The following HDAC9 variants were observed in gnomAD, a reference collection of about 807,000 sequenced individuals.
The protein encoded by HDAC9 is histone deacetylase 9.
In HDAC9, 41 loss-of-function variants were observed where a neutral mutation model predicts 139.4. That is an observed-to-expected ratio of 0.29 (90% CI 0.23 to 0.38). The LOEUF is 0.38. HDAC9 is among the 10% of genes least tolerant of loss of function. HDAC9 has a pLI of 1.00. For missense variants in HDAC9, 1,147 were observed against 1,297.0 expected (o/e 0.88, Z 1.78); for synonymous variants, 517 against 476.2 (o/e 1.09, Z -1.12).
intron 12 of HDAC9, chr7:18,666,909 T>A: frequency 1.0e-6 from 1 of 996,218 alleles, no homozygotes; most frequent in Non-Finnish European, 1.2e-6. Context: ...AGTTTTTGAT[T>A]TTTTGCAACA....
chr7:18,132,871 C>T (rs1271436918), intron 1 of HDAC9, among the ~76,000 whole-genome samples: 1 of 142,840 alleles, frequency 7.0e-6, no homozygotes, highest in Admixed American at 6.9e-5. Context: ...GCCCTGCTCC[C>T]CCTTCCCTAA....
At chr7:18,135,179 G>T (rs1231595293) in intron 1 of HDAC9, among the ~76,000 whole-genome samples, 1 of 151,114 alleles carries the variant, frequency 6.6e-6, no homozygotes, top group African/African-American at 2.4e-5. Context: ...AATGAAGTAG[G>T]AAATGTCTTA....
At chr7:18,666,687 A>G (rs1053094018) in intron 12 of HDAC9, 6 of 1,297,708 alleles carry the variant, frequency 4.6e-6, no homozygotes, top group East Asian at 2.8e-5. Flanking sequence ...ATAGATATCA[A>G]TGTTTCATTG....
chr7:18,512,937 A>G (rs1297905222), intron 2 of HDAC9, among the ~76,000 whole-genome samples: 1 of 152,234 alleles, frequency 6.6e-6, no homozygotes, highest in African/African-American at 2.4e-5. Context: ...GGGCAGGGAC[A>G]TGCTCACATA....
chr7:18,381,890 A>T (rs1416926999), intron 1 of HDAC9, among the ~76,000 whole-genome samples: 1 of 152,204 alleles, frequency 6.6e-6, no homozygotes, highest in Admixed American at 6.5e-5. Context: ...CGCCTCAGGT[A>T]TATGGACTCT....
rs372412913 is a variant in HDAC9, at chr7:18,445,112, C to T, written c.-41-51150C>T. Among the ~76,000 whole-genome samples the T allele has an allele frequency of 1.1e-4, 16 of 152,116 alleles. No homozygotes were observed. The East Asian group carries it at 2.5e-3, about 24-fold the overall frequency. On this transcript the variant is annotated intron_variant, in intron 1 of 3. Coordinates refer to the HDAC9 transcript ENST00000413509. ...CAGGAGTTTGCATTCACCAAATAAA[C>T]GAAACAAGAATTCACAGCTGCAGAA...
At chr7:18,957,508 T>C (rs986912901) in intron 24 of HDAC9, among the ~76,000 whole-genome samples, 1 of 152,182 alleles carries the variant, frequency 6.6e-6, no homozygotes, top group South Asian at 2.1e-4. Flanking sequence ...TCCAGGACCC[T>C]AATTGTGTTC....
rs199607615 is a variant in HDAC9 at position 18,258,951 on chromosome 7, CTTTTTTTTTTTTTTTTTTTTTTT to C, written c.25+96617_25+96639del. Among the ~76,000 whole-genome samples, 92 of 98,362 alleles carry C rather than the reference CTTTTTTTTTTTTTTTTTTTTTTT, an allele frequency of 9.4e-4. 2 individuals are homozygous for C. The highest frequency in any genetic ancestry group is 6.0e-3 in the Middle Eastern group (1 of 166). The allele number at this position is 98,362 out of a possible 152,430, so 64.5% of individuals were successfully genotyped here. A position where few individuals can be genotyped will look rare whatever the true frequency, so the allele number is the denominator to read the frequency against. ...TAATAAAGTAGGGATTCTTCTTCTCCTTTTTTTTTTTTTTTTTTTTTTTTTTTTTTTTTTTTTAAACAGGGTCT... is the reference window on the plus strand; with the variant it reads ...TAATAAAGTAGGGATTCTTCTTCTCCTTTTTTTTTTTTTTAAACAGGGTCT... On this transcript the variant is annotated intron_variant, in intron 2 of 12. Transcript: ENST00000417496.
chr7:18,933,284 G>A (rs1804942983), intron 22 of HDAC9, among the ~76,000 whole-genome samples: 1 of 152,120 alleles, frequency 6.6e-6, no homozygotes. Context: ...AAGGCAACAA[G>A]AGAACTAGAG....
chr7:18,650,066 T>C (rs533821761), intron 11 of HDAC9, among the ~76,000 whole-genome samples: 1 of 152,330 alleles, frequency 6.6e-6, no homozygotes, highest in African/African-American at 2.4e-5. Context: ...AGAGAGCCAA[T>C]TTCCTTCTCT....
intron 1 of HDAC9, 44 bp downstream of exon 1, chr7:18,496,067 T>C (rs1796854210): frequency 6.3e-6 from 9 of 1,429,516 alleles, no homozygotes; most frequent in Non-Finnish European, 6.4e-6. Flanking sequence ...TAAAAGTGGA[T>C]GCCCATTTGA....
At chr7:18,377,776 T>C (rs1785106888) in intron 1 of HDAC9, among the ~76,000 whole-genome samples, 1 of 152,188 alleles carries the variant, frequency 6.6e-6, no homozygotes, top group Non-Finnish European at 1.5e-5. Context: ...GTAATAATGA[T>C]TCATTAAGGA....
intron 13 of HDAC9, among the ~76,000 whole-genome samples, chr7:18,738,021 C>T (rs981357332): frequency 6.6e-6 from 1 of 152,152 alleles, no homozygotes; most frequent in Admixed American, 6.5e-5. Flanking sequence ...TAATGGTGTT[C>T]TTTGTCTCTT....
At chr7:18,208,372 CTT>C (rs71553923) in intron 2 of HDAC9, among the ~76,000 whole-genome samples, 35 of 130,500 alleles carry the variant, frequency 2.7e-4, no homozygotes, top group Non-Finnish European at 3.0e-4. Flanking sequence ...CTGAGAGTAT[CTT>C]TTTTTTTTTT....
At chr7:18,346,822 C>T (rs1166794690) in intron 1 of HDAC9, among the ~76,000 whole-genome samples, 2 of 152,022 alleles carry the variant, frequency 1.3e-5, no homozygotes, top group South Asian at 2.1e-4. Flanking sequence ...GAAAATTTCC[C>T]ATTGTTTGGT....
chr7:18,592,557 A>G (rs901738336), intron 5 of HDAC9, among the ~76,000 whole-genome samples: 2 of 152,118 alleles, frequency 1.3e-5, no homozygotes, highest in African/African-American at 4.8e-5. Flanking sequence ...AGATAGGAAT[A>G]GTACTTGATT....
intron 22 of HDAC9, among the ~76,000 whole-genome samples, chr7:18,909,143 T>C (rs1037642748): frequency 6.6e-6 from 1 of 152,060 alleles, no homozygotes; most frequent in Non-Finnish European, 1.5e-5. Flanking sequence ...TCCTGATGAT[T>C]AGGGAGGTTG....
At chr7:18,619,398 A>G (rs1584211444) in intron 6 of HDAC9, among the ~76,000 whole-genome samples, 1 of 152,104 alleles carries the variant, frequency 6.6e-6, no homozygotes, top group South Asian at 2.1e-4. Context: ...GTTTATGGAG[A>G]CCCATCGAGC....
At chr7:18,717,156 T>G (rs909028024) in intron 12 of HDAC9, among the ~76,000 whole-genome samples, 1 of 152,128 alleles carries the variant, frequency 6.6e-6, no homozygotes, top group East Asian at 1.9e-4. Flanking sequence ...CCTTAGAGGC[T>G]CACCACTGTT....
Sources: gnomAD v4.1 joint callset for allele counts (sites outside exome capture counted in the v4.1 genomes callset) on GRCh38, gnomAD v4.1.1 for gene constraint, MANE v1.5 for transcripts, NCBI Gene and HGNC (gene_info 2026-07-23, HGNC 2026-07-21) for gene names.